Variants in TASP1 observed in about 807,000 individuals in gnomAD.
TASP1 encodes the protein threonine aspartase 1.
A neutral mutation model predicts 56.6 loss-of-function variants in TASP1; 16 were observed. That is an observed-to-expected ratio of 0.28 (90% confidence interval 0.19 to 0.43). The LOEUF is 0.43. Among genes scored for constraint, TASP1 ranks in the 20% least tolerant of loss-of-function variants. TASP1 has a pLI of 1.00. For missense variants in TASP1, 393 were observed against 511.6 expected, an observed-to-expected ratio of 0.77 and a Z score of 2.24; for synonymous variants, 179 against 184.2, an observed-to-expected ratio of 0.97 and a Z score of 0.23.
At chr20:13,459,687 C>T (rs1195422241) in intron 11 of TASP1, among the ~76,000 whole-genome samples, 1 of 152,062 alleles carries the variant, frequency 6.6e-6, no homozygotes, top group Non-Finnish European at 1.5e-5. Flanking sequence ...GGGAACTCTG[C>T]TGCTGTCTTT....
At chr20:13,261,192 T>C in the TASP1 span, among the ~76,000 whole-genome samples, 1 of 152,050 alleles carries the variant, frequency 6.6e-6, no homozygotes, top group Non-Finnish European at 1.5e-5. Context: ...GTTGGGTGGA[T>C]CACCTGAGGT....
chr20:13,607,430 G>T (rs188532111), intron 4 of TASP1, among the ~76,000 whole-genome samples: 40 of 152,306 alleles, frequency 2.6e-4, no homozygotes, highest in Non-Finnish European at 4.6e-4. Context: ...CTGTTTGCAA[G>T]GCTCCAGGGT....
the TASP1 span, chr20:13,279,651 C>A: frequency 1.2e-6 from 2 of 1,613,484 alleles, no homozygotes; most frequent in Non-Finnish European, 1.7e-6. Flanking sequence ...TAGAGGTGGT[C>A]GACGGTCCTG....
the TASP1 span, among the ~76,000 whole-genome samples, chr20:13,120,919 G>A: frequency 6.6e-6 from 1 of 152,178 alleles, no homozygotes; most frequent in Non-Finnish European, 1.5e-5. Flanking sequence ...ACAGTGAACA[G>A]CCTAACATGG....
At chr20:13,624,933 A>G (rs113622450) in intron 3 of TASP1, among the ~76,000 whole-genome samples, 18 of 152,350 alleles carry the variant, frequency 1.2e-4, no homozygotes, top group African/African-American at 4.1e-4. Flanking sequence ...AAAGATTAAA[A>G]GAGATATGAT....
intron 7 of TASP1, among the ~76,000 whole-genome samples, chr20:13,567,714 T>C (rs763530871): frequency 1.1e-4 from 16 of 152,208 alleles, no homozygotes; most frequent in Non-Finnish European, 1.5e-4. Flanking sequence ...AAGAGAACAA[T>C]TTCCTCAAAA....
the TASP1 span, among the ~76,000 whole-genome samples, chr20:13,116,000 T>C: frequency 6.6e-6 from 1 of 152,194 alleles, no homozygotes; most frequent in Non-Finnish European, 1.5e-5. Flanking sequence ...AAGAACATGT[T>C]GGAATTAACT....
intron 10 of TASP1, among the ~76,000 whole-genome samples, chr20:13,513,867 A>C (rs982626321): frequency 1.3e-5 from 2 of 152,146 alleles, no homozygotes; most frequent in African/African-American, 4.8e-5. Context: ...AAGACCTGCT[A>C]CTAAGATGAA....
At chr20:13,155,655 T>C in the TASP1 span, among the ~76,000 whole-genome samples, 1 of 151,942 alleles carries the variant, frequency 6.6e-6, no homozygotes, top group Admixed American at 6.6e-5. Flanking sequence ...TGAAACCCCG[T>C]GTCTACAAAA....
intron 4 of TASP1, among the ~76,000 whole-genome samples, chr20:13,620,530 T>C (rs2048676034): frequency 6.6e-6 from 1 of 152,164 alleles, no homozygotes; most frequent in Non-Finnish European, 1.5e-5. Context: ...AGTAATAATA[T>C]AACGGGCAAG....
intron 2 of TASP1, among the ~76,000 whole-genome samples, chr20:13,629,470 ATATTT>A (rs531268853): frequency 6.6e-6 from 1 of 151,716 alleles, no homozygotes; most frequent in East Asian, 1.9e-4. Context: ...TTTTTCAGCA[ATATTT>A]TATTTTATTT....
chr20:13,238,358 G>A, the TASP1 span, among the ~76,000 whole-genome samples: 1 of 152,134 alleles, frequency 6.6e-6, no homozygotes, highest in Non-Finnish European at 1.5e-5. Context: ...AAACCAGAGG[G>A]CCACCTCACT....
chr20:13,231,558 A>G, the TASP1 span, among the ~76,000 whole-genome samples: 1 of 152,196 alleles, frequency 6.6e-6, no homozygotes, highest in African/African-American at 2.4e-5. Context: ...CTCCCTGAGC[A>G]CAGACCAGCA....
chr20:13,277,894 G>C, the TASP1 span, among the ~76,000 whole-genome samples: 1 of 152,054 alleles, frequency 6.6e-6, no homozygotes, highest in Non-Finnish European at 1.5e-5. Context: ...CCATTGGCTG[G>C]GCAACATCAT....
the TASP1 span, among the ~76,000 whole-genome samples, chr20:13,312,453 C>T: frequency 2.6e-5 from 4 of 152,330 alleles, no homozygotes; most frequent in East Asian, 1.9e-4. Context: ...TCCTGCACAA[C>T]GCCCTGCAAC....
At chr20:13,559,412 C>T (rs779940609) in intron 7 of TASP1, among the ~76,000 whole-genome samples, 1 of 152,010 alleles carries the variant, frequency 6.6e-6, no homozygotes, top group Non-Finnish European at 1.5e-5. Context: ...AAGGTCTCTG[C>T]GCAAAGGAGG....
intron 10 of TASP1, among the ~76,000 whole-genome samples, chr20:13,515,548 T>TAAAAAAAAA (rs34077486): frequency 1.6e-5 from 2 of 122,992 alleles, no homozygotes; most frequent in Non-Finnish European, 1.7e-5. Context: ...TTCATACACT[T>TAAAAAAAAA]AAAAAAAAAA....
chr20:13,476,561 G>GT (rs958366995), intron 11 of TASP1, among the ~76,000 whole-genome samples: 2 of 151,854 alleles, frequency 1.3e-5, no homozygotes, highest in Non-Finnish European at 2.9e-5. Context: ...CTGTGCATTT[G>GT]TTTTTTTCTT....
chr20:13,252,522 A>C, the TASP1 span, among the ~76,000 whole-genome samples: 2 of 152,120 alleles, frequency 1.3e-5, no homozygotes, highest in Admixed American at 6.6e-5. Flanking sequence ...AGGCCAAGGC[A>C]GGCGGATCAT....
Sources: allele counts gnomAD v4.1 joint callset (sites outside exome capture counted in the v4.1 genomes callset), GRCh38; gene constraint gnomAD v4.1.1; transcripts MANE v1.5; gene names NCBI Gene and HGNC (gene_info 2026-07-23, HGNC 2026-07-21).